AATK: variants seen among roughly 807,000 people sequenced by gnomAD.
AATK encodes the protein lemur tail kinase 1.
Under a neutral mutation model 114.3 loss-of-function variants are expected in AATK, and 91 were observed. The observed-to-expected ratio is 0.80, with a 90% CI of 0.67 to 0.95. The LOEUF is 0.95. AATK is among the 40% of genes least tolerant of loss of function. The pLI, the probability that AATK is intolerant of heterozygous loss-of-function variation, is 0.00. For missense variants in AATK, 2,176 were observed against 1,965.2 expected (o/e 1.11, Z -2.03); for synonymous variants, 1,075 against 916.5 (o/e 1.17, Z -3.12).
Position 81,120,625 on chromosome 17 carries a change from G to A in AATK, c.3311C>T (p.Thr1104Ile). ...SPSCSQFFLLTPVPLRSEGNS... is the reference protein window; with the variant it reads ...SPSCSQFFLLIPVPLRSEGNS... ...GCCTTCTGATCTCAGCGGAACCGGG[G>A]TCAGCAGGAAAAACTGGGAGCAGCT... The change falls in exon 11 of 14, where the codon ACC becomes ATC. Residue 1104 changes from threonine (T) to isoleucine (I), a missense_variant. Around this residue, in one of 4 missense-constraint regions of AATK, gnomAD observed 1,701 missense variants for 1,394.7 expected, o/e 1.22. Transcript: ENST00000326724. 1 of 1,545,288 alleles carries A rather than the reference G, an allele frequency of 6.5e-7. No homozygotes were observed. Among genetic ancestry groups the A allele is most frequent in the Non-Finnish European group, 8.7e-7 (1 of 1,149,214 alleles).
At position 81,131,220 on chromosome 17, in the gene AATK, G is replaced by A. The variant is rs370983668; in HGVS notation, c.190-15C>T. 16 of 1,560,614 alleles carry A rather than the reference G, an allele frequency of 1.0e-5. No homozygotes were observed. Among genetic ancestry groups the A allele is most frequent in the African/African-American group, 2.7e-5 (2 of 74,082 alleles). Reference sequence around the variant, plus strand: ...TTCTCAAACTCCTGCGGGCCGGGCCGGGCATGAGCGGGGCTTCTCGCAGGT... The same window carrying A: ...TTCTCAAACTCCTGCGGGCCGGGCCAGGCATGAGCGGGGCTTCTCGCAGGT... On this transcript the variant is annotated splice_polypyrimidine_tract_variant and intron_variant, in intron 2 of 13. Coordinates refer to ENST00000326724, the MANE Select transcript of AATK (RefSeq NM_001080395.3).
chr17:81,151,927 C>T (rs1156798174), intron 1 of AATK, among the ~76,000 whole-genome samples: 2 of 152,188 alleles, frequency 1.3e-5, no homozygotes, highest in Non-Finnish European at 2.9e-5. Flanking sequence ...CCAAATTATT[C>T]AATCACGTGA....
chr17:81,120,926 C>G lies in AATK; in HGVS notation c.3010G>C (p.Glu1004Gln), dbSNP rs777133846. ...DSAYFSDLEA[E>Q]AEATSGPEKK... ...TCTGGGCCTGAGGTGGCCTCGGCCT[C>G]AGCCTCGAGGTCTGAGAAGTAGGCA... Residue 1004 changes from glutamate (E) to glutamine (Q), a missense_variant, in exon 11 of 14, where the codon GAG (glutamate) becomes CAG (glutamine). Glu to Gln is a conservative substitution (Grantham distance 29, BLOSUM62 2). Transcript: ENST00000326724. 64 of 1,601,198 alleles carry G rather than the reference C, an allele frequency of 4.0e-5. No homozygotes were observed. The highest frequency in any genetic ancestry group is 4.9e-5 in the Non-Finnish European group (58 of 1,174,594).
At chr17:81,124,198 G>C (rs959182835) in intron 9 of AATK, among the ~76,000 whole-genome samples, 1 of 152,124 alleles carries the variant, frequency 6.6e-6, no homozygotes, top group Non-Finnish European at 1.5e-5. Flanking sequence ...GCAGAGGTGA[G>C]GCAGGGAGGG....
intron 9 of AATK, among the ~76,000 whole-genome samples, chr17:81,123,768 G>A (rs2060737487): frequency 6.6e-6 from 1 of 151,986 alleles, no homozygotes; most frequent in Non-Finnish European, 1.5e-5. Context: ...GAGAGGGGAC[G>A]CCTCAGGCCA....
intron 1 of AATK, among the ~76,000 whole-genome samples, chr17:81,163,689 C>T (rs1295799967): frequency 1.3e-5 from 2 of 152,212 alleles, no homozygotes. Flanking sequence ...CTGCCTGGTG[C>T]GGAAGGTCAG....
chr17:81,128,782 G>A, intron 3 of AATK: 1 of 1,332,962 alleles, frequency 7.5e-7, no homozygotes, highest in Non-Finnish European at 9.7e-7. Context: ...CATCTTTCTG[G>A]GTAGGTCTGG....
chr17:81,122,664 C>T lies in AATK; in HGVS notation c.1272G>A (p.Val424=), dbSNP rs1298046222. 2.7e-6 allele frequency: 4 copies of T among 1,503,356 alleles called. No homozygotes were observed. The highest frequency in any genetic ancestry group is 1.8e-6 in the Non-Finnish European group (2 of 1,122,760). The allele number at this position is 1,503,356 out of a possible 1,614,324, so 93.1% of individuals were successfully genotyped here. A position where few individuals can be genotyped will look rare whatever the true frequency, so the allele number is the denominator to read the frequency against. ...GCCCCGCCGCACCGGGCCCGGGCCCCACGCCGCCCCCGCCGGGCCGCAGAG... is the reference window on the plus strand; with the variant it reads ...GCCCCGCCGCACCGGGCCCGGGCCCTACGCCGCCCCCGCCGGGCCGCAGAG... ...WRSLRPGGGG[V]GPGPGAAGPM... is the part of the protein sequence containing the mutation. Residue 424 remains valine, a synonymous_variant, in exon 11 of 14, where the codon GTG becomes GTA. Coordinates refer to ENST00000326724, the MANE Select transcript of AATK (RefSeq NM_001080395.3).
At position 81,121,813 on chromosome 17, in the gene AATK, C is replaced by T; in HGVS notation, c.2123G>A (p.Cys708Tyr). ...PVSAGGHAEG[C>Y]PSPKQTPRAS... ...CCGTGGGGTCTGCTTTGGACTGGGG[C>T]AGCCCTCAGCGTGGCCGCCCGCAGA... is the stretch of plus-strand genomic sequence containing the variant. The change falls in exon 11 of 14, where the codon TGC becomes TAC. Residue 708 changes from cysteine to tyrosine, a missense_variant. Physicochemically the swap from Cys to Tyr is radical, Grantham distance 194. Coordinates refer to ENST00000326724, the MANE Select transcript of AATK (RefSeq NM_001080395.3). The T allele has an allele frequency of 6.3e-7, 1 of 1,585,624 alleles. No individual in the cohort carries two copies. Among genetic ancestry groups the T allele is most frequent in the East Asian group, 2.3e-5 (1 of 43,998 alleles).
In AATK at chr17:81,120,894, C is replaced by G; in HGVS notation, c.3042G>C (p.Lys1014Asn). ...EAEATSGPEK[K>N]CGGDRAPGPE... ...GCCCGGGGGCTCGGTCCCCGCCGCA[C>G]TTCTTCTCTGGGCCTGAGGTGGCCT... Residue 1014 changes from lysine to asparagine, a missense_variant, in exon 11 of 14, where the codon AAG becomes AAC. Coordinates refer to ENST00000326724, the MANE Select transcript of AATK (RefSeq NM_001080395.3). The G allele has an allele frequency of 6.3e-7, 1 of 1,590,466 alleles. No individual in the cohort carries two copies. Among genetic ancestry groups the G allele is most frequent in the South Asian group, 1.1e-5 (1 of 87,746 alleles).
At position 81,120,579 on chromosome 17, in the gene AATK, C is replaced by A. The variant is rs556627095; in HGVS notation, c.3357G>T (p.Gly1119=). Residue 1119 remains glycine (G), a synonymous_variant, in exon 11 of 14, where the codon GGG becomes GGT. Coordinates refer to ENST00000326724, the MANE Select transcript of AATK (RefSeq NM_001080395.3). ...RSEGNSSEFQ[G]PPGLLSGPAP... is the part of the protein sequence containing the mutation. ...CCGGCCCTGACAACAGTCCTGGGGG[C>A]CCCTGGAACTCAGAGCTGTTGCCTT... 7 of 1,532,756 alleles carry A rather than the reference C, an allele frequency of 4.6e-6. No homozygotes were observed. Among genetic ancestry groups the A allele is most frequent in the Non-Finnish European group, 6.1e-6 (7 of 1,142,872 alleles). The allele number at this position is 1,532,756 out of a possible 1,614,324, so 94.9% of individuals were successfully genotyped here.
Position 81,126,065 on chromosome 17 carries a change from C to T in AATK, c.755+362G>A. On this transcript the variant is annotated intron_variant, in intron 7 of 13. Coordinates refer to ENST00000326724, the MANE Select transcript of AATK (RefSeq NM_001080395.3). This position sits in a 1 kb window ranked among gnomAD's most constrained non-coding sequence, Gnocchi z 5.1. ...ATCCTGGCCCAAGCAGGACAGAACCCTCCCTCCAGGGTCCTTCGAAGCAGG... is the reference window on the plus strand; with the variant it reads ...ATCCTGGCCCAAGCAGGACAGAACCTTCCCTCCAGGGTCCTTCGAAGCAGG... The T allele has an allele frequency of 2.1e-6, 1 of 486,746 alleles. No individual in the cohort carries two copies. Among genetic ancestry groups the T allele is most frequent in the South Asian group, 1.6e-5 (1 of 63,946 alleles). 30.2% of individuals were successfully genotyped at this position (486,746 alleles called of 1,614,324 possible).
intron 1 of AATK, among the ~76,000 whole-genome samples, chr17:81,137,699 A>G (rs183031919): frequency 1.4e-3 from 216 of 152,184 alleles, no homozygotes; most frequent in Admixed American, 3.2e-3. Flanking sequence ...AACACATGAA[A>G]CACACATGCA....
intron 1 of AATK, among the ~76,000 whole-genome samples, chr17:81,138,324 TACCC>T (rs1180979944): frequency 1.8e-5 from 2 of 113,754 alleles, no homozygotes; most frequent in East Asian, 2.8e-4. Flanking sequence ...CGTGCACACA[TACCC>T]ACACATGCAC....
intron 9 of AATK, among the ~76,000 whole-genome samples, chr17:81,123,619 C>T (rs1424053167): frequency 1.3e-5 from 2 of 152,110 alleles, no homozygotes; most frequent in Admixed American, 6.5e-5. Context: ...CATTCATTCA[C>T]TGATGCACTG....
At chr17:81,129,642 G>T (rs1319747519) in intron 3 of AATK, among the ~76,000 whole-genome samples, 1 of 152,136 alleles carries the variant, frequency 6.6e-6, no homozygotes, top group Non-Finnish European at 1.5e-5. Flanking sequence ...CCTTCTTTCG[G>T]GCTCCTGTTC....
intron 1 of AATK, 133 bp downstream of exon 1, chr17:81,165,805 G>C: frequency 6.7e-7 from 1 of 1,498,400 alleles, no homozygotes; most frequent in Non-Finnish European, 9.0e-7. Flanking sequence ...AGGGGGTCCG[G>C]CTGCTTCTGC....
intron 12 of AATK, 30 bp downstream of exon 12, chr17:81,119,906 C>G (rs1167367388): frequency 7.1e-7 from 1 of 1,404,008 alleles, no homozygotes. Flanking sequence ...CCTCCCGTGA[C>G]GTCACGGGCC....
chr17:81,134,252 G>A (rs780997547), intron 2 of AATK, 116 bp downstream of exon 2: 13 of 1,422,574 alleles, frequency 9.1e-6, no homozygotes, highest in African/African-American at 4.3e-5. Flanking sequence ...CAGCAACTAC[G>A]GCCACCCAGC....
Sources: allele counts gnomAD v4.1 joint callset (sites outside exome capture counted in the v4.1 genomes callset), GRCh38; gene constraint gnomAD v4.1.1; regional missense constraint gnomAD v4.1.1; non-coding constraint Gnocchi (gnomAD v3.1); transcripts MANE v1.5; gene names NCBI Gene and HGNC (gene_info 2026-07-23, HGNC 2026-07-21).